The following LIMS2 variants were observed in gnomAD, a reference collection of about 807,000 sequenced individuals.
The protein encoded by LIMS2 is LIM and senescent cell antigen-like-containing domain protein 2.
In LIMS2, 30 loss-of-function variants were observed where a neutral mutation model predicts 45.3. The ratio of observed to expected loss-of-function variants is 0.66; its 90% CI spans 0.50 to 0.90. LIMS2 has a LOEUF of 0.90. Ranked by LOEUF, LIMS2 falls within the 40% of genes least tolerant of loss-of-function variation. The pLI is 0.00. For synonymous variants in LIMS2, 173 were observed against 188.0 expected (o/e 0.92, Z 0.65); for missense variants, 485 against 468.7 (o/e 1.03, Z -0.32).
upstream of LIMS2, among the ~76,000 whole-genome samples, chr2:127,676,164 C>G (rs1275047993): frequency 6.6e-6 from 1 of 152,212 alleles, no homozygotes; most frequent in Non-Finnish European, 1.5e-5. Context: ...TTGGAAGCAG[C>G]CCAGATGTCA....
intron 2 of LIMS2, 117 bp from the exon 3 acceptor site, chr2:127,655,013 G>A (rs1198391913): frequency 2.1e-6 from 2 of 942,708 alleles, no homozygotes; most frequent in South Asian, 2.8e-5. Flanking sequence ...GCAGGGGCAT[G>A]CCGGGCTGAG....
intron 4 of LIMS2, chr2:127,649,961 T>G (rs747168476): frequency 4.0e-6 from 6 of 1,503,416 alleles, no homozygotes; most frequent in Non-Finnish European, 5.5e-6. Flanking sequence ...CCAGCTGGCC[T>G]GATACCCAGG....
At chr2:127,657,280 T>C (rs1053072490) in intron 2 of LIMS2, 123 bp downstream of exon 2, 1 of 1,152,574 alleles carries the variant, frequency 8.7e-7, no homozygotes, top group Non-Finnish European at 1.3e-6. Context: ...TCAAGCCTGG[T>C]TCTGGGCTGG....
At chr2:127,669,485 G>A (rs1011427596) in intron 1 of LIMS2, among the ~76,000 whole-genome samples, 2 of 152,006 alleles carry the variant, frequency 1.3e-5, no homozygotes, top group Non-Finnish European at 2.9e-5. Flanking sequence ...AGGCTGAAGC[G>A]GGAGGATCAC....
chr2:127,644,193 A>G, intron 4 of LIMS2: 1 of 440,476 alleles, frequency 2.3e-6, no homozygotes, highest in South Asian at 1.6e-5. Context: ...TCACTGGCTA[A>G]GCTGCCGACT....
intron 4 of LIMS2, chr2:127,648,142 T>C: frequency 1.0e-6 from 1 of 985,336 alleles, no homozygotes; most frequent in East Asian, 1.1e-4. Flanking sequence ...CTGTGGAACC[T>C]GGATTCCTGG....
chr2:127,652,860 G>A (rs565607516), intron 4 of LIMS2, among the ~76,000 whole-genome samples: 107 of 152,344 alleles, frequency 7.0e-4, no homozygotes, highest in African/African-American at 2.4e-3. Context: ...ACCCTGCACC[G>A]TCCTTACGGC....
intron 4 of LIMS2, chr2:127,644,258 G>A (rs761423760): frequency 6.6e-5 from 24 of 362,078 alleles, no homozygotes; most frequent in Non-Finnish European, 1.2e-4. Context: ...AACAGCTCAG[G>A]GTCAGCTGAC....
intron 1 of LIMS2, among the ~76,000 whole-genome samples, chr2:127,680,775 C>T (rs1021915565): frequency 2.0e-5 from 3 of 152,194 alleles, no homozygotes; most frequent in African/African-American, 7.2e-5. Flanking sequence ...AGGAAAAGGC[C>T]ATCTCACTCT....
intron 1 of LIMS2, among the ~76,000 whole-genome samples, chr2:127,666,848 G>A (rs181956950): frequency 6.6e-6 from 1 of 152,256 alleles, no homozygotes; most frequent in East Asian, 1.9e-4. Flanking sequence ...AGCAGATCTT[G>A]TGAGAACTCA....
rs1171789175 is a variant in LIMS2 at position 127,664,264 on chromosome 2, C to T, written c.12-6702G>A. ...GGCCTGCCCTGCCGCCGCAGCTTTC[C>T]GGCCATTGTCCCCGCCACCCGCCCC... is the stretch of plus-strand genomic sequence containing the variant. On this transcript the variant is annotated intron_variant, in intron 1 of 9. Coordinates refer to ENST00000355119, the MANE Select transcript of LIMS2 (RefSeq NM_001161403.3). This position sits in a 1 kb window ranked among gnomAD's most constrained non-coding sequence, Gnocchi z 5.5. 3 of 1,227,808 alleles carry T rather than the reference C, an allele frequency of 2.4e-6. No individual in the cohort carries two copies. Among genetic ancestry groups the T allele is most frequent in the East Asian group, 3.3e-5 (1 of 30,670 alleles). The allele number at this position is 1,227,808 out of a possible 1,614,324, so 76.1% of individuals were successfully genotyped here.
rs70985469 is a variant in LIMS2 at position 127,668,668 on chromosome 2, C to CAAAAAAAAAAAAAAAA, written c.11+6330_11+6345dup. Among the ~76,000 whole-genome samples the CAAAAAAAAAAAAAAAA allele has an allele frequency of 3.5e-4, 6 of 17,266 alleles. 1 individual carries two copies. The highest frequency in any genetic ancestry group is 5.4e-4 in the African/African-American group (3 of 5,554). 11.3% of individuals were successfully genotyped at this position (17,266 alleles called of 152,430 possible). ...TGGGTGACAGAGTGAGACTCCGTCTCAAAAAAAAAAAAAAAAAAAAAAAAA... is the reference window on the plus strand; with the variant it reads ...TGGGTGACAGAGTGAGACTCCGTCTCAAAAAAAAAAAAAAAAAAAAAAAAAAAAAAAAAAAAAAAAA... On this transcript the variant is annotated intron_variant, in intron 1 of 9. Transcript: ENST00000355119.
rs769635125 is a variant in LIMS2 at position 127,639,241 on chromosome 2, G to A, written c.*40C>T. ...GCCAAGCATGGACAGCAGGAGGGGA[G>A]AAGGCGGAGGGGCCGAGAGGCAGCT... On this transcript the variant is annotated 3_prime_UTR_variant, in exon 10 of 10. Transcript: ENST00000355119. 22 of 1,604,700 alleles carry A rather than the reference G, an allele frequency of 1.4e-5. No homozygotes were observed. In the Middle Eastern group the frequency reaches 5.1e-4, roughly 37 times the overall value.
chr2:127,656,294 C>A (rs1684244222), intron 2 of LIMS2, among the ~76,000 whole-genome samples: 1 of 152,122 alleles, frequency 6.6e-6, no homozygotes, highest in African/African-American at 2.4e-5. Flanking sequence ...TCACTTTCAT[C>A]TGGGTGATTG....
chr2:127,672,086 A>G lies in LIMS2; in HGVS notation c.11+2928T>C, dbSNP rs1248380288. On this transcript the variant is annotated intron_variant, in intron 1 of 9. Transcript: ENST00000355119. This position sits in a 1 kb window ranked among gnomAD's most constrained non-coding sequence, Gnocchi z 4.9. ...TACGACAGCCTCACATGTGACACAC[A>G]TGACGGTCACACCATGGGTGGGACT... Among the ~76,000 whole-genome samples the G allele has an allele frequency of 6.6e-6, 1 of 152,192 alleles. No homozygotes were observed. The highest frequency in any genetic ancestry group is 1.9e-4 in the East Asian group (1 of 5,182).
chr2:127,641,098 AC>A, intron 6 of LIMS2, 110 bp from the exon 7 acceptor site: 1 of 793,658 alleles, frequency 1.3e-6, no homozygotes, highest in Non-Finnish European at 2.1e-6. Context: ...ACTCCAGGGG[AC>A]CACAGTGGCC....
chr2:127,651,676 G>T (rs1438584776), intron 4 of LIMS2: 1 of 1,613,356 alleles, frequency 6.2e-7, no homozygotes, highest in East Asian at 2.2e-5. Context: ...TTGCTCTGTG[G>T]CAAAAGGCTC....
chr2:127,640,657 G>C, intron 7 of LIMS2: 1 of 597,522 alleles, frequency 1.7e-6, no homozygotes, highest in East Asian at 2.8e-5. Context: ...GGCACTGTCA[G>C]CCCCATGTGC....
Position 127,642,752 on chromosome 2 carries a change from A to C in LIMS2, c.509+171T>G. ...AAGCTTCCTGCCATGGCTGCTTCCC[A>C]GCCCCCAGCCCACCTCTGCCCTGCA... is the stretch of plus-strand genomic sequence containing the variant. On this transcript the variant is annotated intron_variant, in intron 5 of 9. Transcript: ENST00000355119. This position sits in a 1 kb window ranked among gnomAD's most constrained non-coding sequence, Gnocchi z 5.3. The C allele has an allele frequency of 1.4e-6, 1 of 707,014 alleles. No individual in the cohort carries two copies. Among genetic ancestry groups the C allele is most frequent in the Non-Finnish European group, 2.3e-6 (1 of 437,884 alleles). The allele number at this position is 707,014 out of a possible 1,614,324, so 43.8% of individuals were successfully genotyped here.
Sources: gnomAD v4.1 joint callset for allele counts (sites outside exome capture counted in the v4.1 genomes callset) on GRCh38, gnomAD v4.1.1 for gene constraint, Gnocchi (gnomAD v3.1) non-coding constraint, MANE v1.5 for transcripts, NCBI Gene and HGNC (gene_info 2026-07-23, HGNC 2026-07-21) for gene names.